SCMH1: variants seen among roughly 807,000 people sequenced by gnomAD.
SCMH1 encodes Scm polycomb group protein homolog 1.
Under a neutral mutation model 70.8 loss-of-function variants are expected in SCMH1, and 37 were observed. The observed-to-expected ratio is 0.52, with a 90% confidence interval of 0.40 to 0.69. The LOEUF (loss-of-function observed/expected upper bound fraction) is 0.69, where lower values mean the gene tolerates loss of function less well. SCMH1 is among the 30% of genes least tolerant of loss of function. The pLI is 0.00. For synonymous variants in SCMH1, 292 were observed against 307.4 expected, an observed-to-expected ratio of 0.95 and a Z score of 0.52; for missense variants, 607 against 827.3, an observed-to-expected ratio of 0.73 and a Z score of 3.27.
At chr1:41,220,018 T>C (rs955763402) in intron 1 of SCMH1, among the ~76,000 whole-genome samples, 3 of 152,178 alleles carry the variant, frequency 2.0e-5, no homozygotes, top group African/African-American at 7.2e-5. Context: ...TTTCATACAT[T>C]ATATATTAAT....
intron 1 of SCMH1, among the ~76,000 whole-genome samples, chr1:41,209,682 ACT>A (rs1222187443): frequency 8.5e-5 from 13 of 152,344 alleles, no homozygotes; most frequent in Admixed American, 5.2e-4. Context: ...CGTGCTAAAA[ACT>A]CTCAATAAAC....
At chr1:41,197,310 T>C (rs547730740) in intron 1 of SCMH1, among the ~76,000 whole-genome samples, 16 of 152,158 alleles carry the variant, frequency 1.1e-4, no homozygotes, top group Non-Finnish European at 2.1e-4. Context: ...CATCAACAGA[T>C]GACTGGATTA....
chr1:41,215,466 ATTATT>A (rs1295551600), intron 1 of SCMH1, among the ~76,000 whole-genome samples: 7 of 152,030 alleles, frequency 4.6e-5, no homozygotes, highest in South Asian at 2.1e-4. Flanking sequence ...TTCTCTTTAC[ATTATT>A]TTATTTTATT....
At chr1:41,073,243 T>C (rs1158569804) in intron 9 of SCMH1, among the ~76,000 whole-genome samples, 1 of 152,170 alleles carries the variant, frequency 6.6e-6, no homozygotes, top group Non-Finnish European at 1.5e-5. Flanking sequence ...GCTCATTACT[T>C]CCATTTTGGG....
chr1:41,209,770 G>A (rs1479433347), intron 1 of SCMH1, among the ~76,000 whole-genome samples: 6 of 152,176 alleles, frequency 3.9e-5, no homozygotes, highest in African/African-American at 1.4e-4. Context: ...ATACTGAATG[G>A]GCCAACACTG....
chr1:41,179,570 A>G (rs1044908565), intron 2 of SCMH1, among the ~76,000 whole-genome samples: 1 of 152,240 alleles, frequency 6.6e-6, no homozygotes, highest in Non-Finnish European at 1.5e-5. Context: ...CTACCATCAG[A>G]GAATACTATA....
chr1:41,158,527 G>A (rs1423894438), intron 4 of SCMH1, among the ~76,000 whole-genome samples: 3 of 152,186 alleles, frequency 2.0e-5, no homozygotes, highest in Admixed American at 6.5e-5. Context: ...CATTATAAAG[G>A]CCCAGACATG....
intron 8 of SCMH1, among the ~76,000 whole-genome samples, chr1:41,111,020 A>C (rs530642100): frequency 8.5e-5 from 13 of 152,262 alleles, no homozygotes; most frequent in African/African-American, 3.1e-4. Flanking sequence ...TTTGATTTGC[A>C]TTTCCCTAAT....
At chr1:41,120,803 A>G (rs1227537573) in intron 6 of SCMH1, among the ~76,000 whole-genome samples, 1 of 152,212 alleles carries the variant, frequency 6.6e-6, no homozygotes, top group African/African-American at 2.4e-5. Context: ...TGGTCACACA[A>G]GCCAATCTTA....
intron 9 of SCMH1, 24 bp from the exon 10 acceptor site, chr1:41,070,745 A>T: frequency 6.2e-7 from 1 of 1,613,274 alleles, no homozygotes; most frequent in Non-Finnish European, 8.5e-7. Flanking sequence ...TGGGAAAAAA[A>T]TTGCTACCCA....
intron 4 of SCMH1, among the ~76,000 whole-genome samples, chr1:41,153,690 G>C (rs571108431): frequency 6.6e-6 from 1 of 152,280 alleles, no homozygotes; most frequent in Non-Finnish European, 1.5e-5. Context: ...TGGCTGACTG[G>C]CTTGAACCAT....
Position 41,034,061 on chromosome 1 carries a change from C to G in SCMH1, c.1678+3301G>C. On this transcript the variant is annotated intron_variant, in intron 13 of 14. Transcript: ENST00000337495. ...CCTTTTAACACTCCTGTGGAAAGAC[C>G]AGGTTGGTGTCACCATCTCCAGTTT... 1 of 1,599,688 alleles carries G rather than the reference C, an allele frequency of 6.3e-7. No individual in the cohort carries two copies. Among genetic ancestry groups the G allele is most frequent in the Non-Finnish European group, 8.5e-7 (1 of 1,172,498 alleles).
intron 2 of SCMH1, among the ~76,000 whole-genome samples, chr1:41,171,579 T>C (rs1429146571): frequency 6.6e-6 from 1 of 151,840 alleles, no homozygotes; most frequent in East Asian, 1.9e-4. Context: ...GTACTTTTAC[T>C]GTCATCCAAC....
intron 4 of SCMH1, among the ~76,000 whole-genome samples, chr1:41,155,222 A>C (rs970221268): frequency 1.3e-5 from 2 of 152,322 alleles, no homozygotes; most frequent in South Asian, 4.1e-4. Context: ...GAAGAGACTT[A>C]AAAATGGCAT....
intron 1 of SCMH1, among the ~76,000 whole-genome samples, chr1:41,205,665 T>A (rs1573049316): frequency 2.6e-5 from 4 of 152,326 alleles, no homozygotes; most frequent in Middle Eastern, 3.4e-3. Context: ...GGGCAGGGCA[T>A]AGCTGAACAA....
At chr1:41,109,058 G>C (rs890267681) in intron 8 of SCMH1, among the ~76,000 whole-genome samples, 2 of 152,182 alleles carry the variant, frequency 1.3e-5, no homozygotes, top group Non-Finnish European at 2.9e-5. Flanking sequence ...AAGAGTATCA[G>C]GGAGACAAGT....
At chr1:41,226,583 C>G (rs1045286392) in intron 1 of SCMH1, among the ~76,000 whole-genome samples, 9 of 151,898 alleles carry the variant, frequency 5.9e-5, no homozygotes, top group Admixed American at 5.9e-4. Flanking sequence ...AGGTCCAGAC[C>G]TAAATTCATT....
At chr1:41,076,018 C>T (rs1658183566) in intron 8 of SCMH1, among the ~76,000 whole-genome samples, 6 of 152,202 alleles carry the variant, frequency 3.9e-5, no homozygotes, top group Admixed American at 3.3e-4. Context: ...AAAATCTTTG[C>T]TCTTAAAAAC....
At chr1:41,194,237 C>T (rs1652445543) in intron 1 of SCMH1, among the ~76,000 whole-genome samples, 2 of 152,126 alleles carry the variant, frequency 1.3e-5, no homozygotes, top group South Asian at 4.2e-4. Context: ...TTTTCATTTG[C>T]TCTGTTTTTT....
Sources: allele counts gnomAD v4.1 joint callset (sites outside exome capture counted in the v4.1 genomes callset), GRCh38; gene constraint gnomAD v4.1.1; transcripts MANE v1.5; gene names NCBI Gene and HGNC (gene_info 2026-07-23, HGNC 2026-07-21).